The following MCPH1 variants were observed in gnomAD, a reference collection of about 807,000 sequenced individuals.
The protein encoded by MCPH1 is microcephalin.
A neutral mutation model predicts 84.5 loss-of-function variants in MCPH1; 104 were observed. That is an observed-to-expected ratio of 1.23 (90% CI 1.05 to 1.45). The LOEUF is 1.45. Among genes scored for constraint, MCPH1 ranks in the 40% most tolerant of loss-of-function variants. MCPH1 has a pLI of 0.00. For synonymous variants in MCPH1, 514 were observed against 366.8 expected, an observed-to-expected ratio of 1.40 and a Z score of -4.58; for missense variants, 1,498 against 1,005.7, an observed-to-expected ratio of 1.49 and a Z score of -6.62.
At position 6,479,144 on chromosome 8, in the gene MCPH1, A is replaced by G. The variant is rs368298673; in HGVS notation, c.1973+1513A>G. ...AGCCAGACTTGGTGGTGAATTGCCT[A>G]TAGTCCCAACTACTTGGGAGGATAA... is the stretch of plus-strand genomic sequence containing the variant. On this transcript the variant is annotated intron_variant, in intron 10 of 13. Transcript: ENST00000344683. Among the ~76,000 whole-genome samples, 126 of 152,278 alleles carry G rather than the reference A, an allele frequency of 8.3e-4. 2 individuals are homozygous for G. The South Asian group carries it at 0.025, about 30-fold the overall frequency.
In MCPH1 at chr8:6,406,708, C is replaced by A; in HGVS notation, c.22+19C>A. The A allele has an allele frequency of 6.2e-7, 1 of 1,611,810 alleles. No homozygotes were observed. The highest frequency in any genetic ancestry group is 1.3e-5 in the African/African-American group (1 of 75,030). On this transcript the variant is annotated intron_variant, in intron 1 of 13. Transcript: ENST00000344683. ...CTGAAAGGTGAGGTACTTCCTGCTG[C>A]CTGCTCCAGCAGCGGGAGTTTGAGG...
At chr8:6,506,531 G>C (rs1482491559) in intron 12 of MCPH1, among the ~76,000 whole-genome samples, 1 of 152,188 alleles carries the variant, frequency 6.6e-6, no homozygotes, top group Non-Finnish European at 1.5e-5. Context: ...TTCTCAAGGA[G>C]AGAGCTGGGT....
intron 10 of MCPH1, among the ~76,000 whole-genome samples, chr8:6,480,263 A>C (rs1809026589): frequency 6.6e-6 from 1 of 152,018 alleles, no homozygotes. Context: ...TAGCTGGAAC[A>C]ACAGGCGCGT....
At chr8:6,543,449 A>C (rs973474715) in intron 12 of MCPH1, among the ~76,000 whole-genome samples, 4 of 152,146 alleles carry the variant, frequency 2.6e-5, no homozygotes, top group Admixed American at 6.5e-5. Flanking sequence ...CTCTGCAGCA[A>C]CTTGAGACTC....
At chr8:6,483,193 A>G (rs570470781) in intron 11 of MCPH1, among the ~76,000 whole-genome samples, 26 of 152,360 alleles carry the variant, frequency 1.7e-4, no homozygotes, top group South Asian at 1.7e-3. Context: ...AATATATTAA[A>G]AGACATACAA....
At chr8:6,589,717 C>G (rs1043844221) in intron 12 of MCPH1, among the ~76,000 whole-genome samples, 2 of 152,198 alleles carry the variant, frequency 1.3e-5, no homozygotes, top group Non-Finnish European at 2.9e-5. Context: ...TTAGTGATCT[C>G]AAGTGTTTCC....
intron 12 of MCPH1, chr8:6,507,899 C>G (rs955155389): frequency 1.1e-4 from 16 of 152,064 alleles, no homozygotes; most frequent in African/African-American, 3.9e-4. Context: ...ATAACATTTT[C>G]TAAAACTTTA....
rs2922827 is a variant in MCPH1 at position 6,442,187 on chromosome 8, G to A, written c.670+31G>A. The A allele has an allele frequency of 2.9e-3, 4,070 of 1,390,922 alleles. 90 individuals carry two copies. In the African/African-American group the frequency reaches 0.048, roughly 17 times the overall value. The allele number at this position is 1,390,922 out of a possible 1,614,324, so 86.2% of individuals were successfully genotyped here. A position where few individuals can be genotyped will look rare whatever the true frequency, so the allele number is the denominator to read the frequency against. Reference sequence around the variant, plus strand: ...ATTTTTATTTTCCTTTCTGTGATATGTTTAAGTTTTGAGAATAATATGATT... The same window carrying A: ...ATTTTTATTTTCCTTTCTGTGATATATTTAAGTTTTGAGAATAATATGATT... On this transcript the variant is annotated intron_variant, in intron 7 of 13. Transcript: ENST00000344683.
intron 12 of MCPH1, among the ~76,000 whole-genome samples, chr8:6,523,590 T>G (rs956711549): frequency 1.3e-5 from 2 of 152,060 alleles, no homozygotes; most frequent in African/African-American, 4.8e-5. Flanking sequence ...GGTTTTTTGT[T>G]TTTTGTTTTG....
At chr8:6,591,644 G>A (rs766161492) in intron 12 of MCPH1, among the ~76,000 whole-genome samples, 1 of 152,136 alleles carries the variant, frequency 6.6e-6, no homozygotes, top group Non-Finnish European at 1.5e-5. Flanking sequence ...TCCAGGACAC[G>A]TGGCCCTTAG....
At chr8:6,605,589 A>G (rs1829702138) in intron 12 of MCPH1, among the ~76,000 whole-genome samples, 1 of 152,260 alleles carries the variant, frequency 6.6e-6, no homozygotes, top group African/African-American at 2.4e-5. Context: ...GCTGGACTCT[A>G]GACTCTAAGC....
Position 6,644,928 on chromosome 8 carries a change from A to G in MCPH1, c.*1879A>G, listed in dbSNP as rs1383994549. The stretch of plus-strand genomic sequence containing the variant: ...TTGTCTCTTGGTTTTAAAATAATGT[A>G]TACACCTAAATCATCCCCTTATGAT... On this transcript the variant is annotated 3_prime_UTR_variant, in exon 14 of 14. Coordinates refer to ENST00000344683, the MANE Select transcript of MCPH1 (RefSeq NM_024596.5). 1 of 152,222 alleles carries G rather than the reference A, an allele frequency of 6.6e-6. No individual in the cohort carries two copies. Among genetic ancestry groups the G allele is most frequent in the Non-Finnish European group, 1.5e-5 (1 of 68,044 alleles). The allele number at this position is 152,222 out of a possible 1,614,324, so 9.4% of individuals were successfully genotyped here.
intron 12 of MCPH1, chr8:6,520,055 C>A (rs1817022013): frequency 6.4e-7 from 1 of 1,574,314 alleles, no homozygotes; most frequent in African/African-American, 1.4e-5. Flanking sequence ...CTTGTTATTT[C>A]AAGAGCCAAT....
intron 12 of MCPH1, among the ~76,000 whole-genome samples, chr8:6,556,119 A>G (rs28635738): frequency 0.038 from 5,720 of 152,190 alleles, 178 homozygotes; most frequent in African/African-American, 0.085. Context: ...AAGGGTGTCA[A>G]CCAGTGACTT....
chr8:6,613,846 T>A (rs943707512), intron 12 of MCPH1, among the ~76,000 whole-genome samples: 1 of 152,134 alleles, frequency 6.6e-6, no homozygotes, highest in African/African-American at 2.4e-5. Context: ...GGGGCAGGGA[T>A]GCTTTTGATC....
intron 3 of MCPH1, among the ~76,000 whole-genome samples, chr8:6,420,085 T>G (rs1161134524): frequency 6.6e-6 from 1 of 151,758 alleles, no homozygotes; most frequent in Non-Finnish European, 1.5e-5. Context: ...GTATCTCGTT[T>G]GCGTTTTGTT....
chr8:6,594,026 C>T lies in MCPH1; in HGVS notation c.2215-27428C>T, dbSNP rs146181204. 1.3e-4 allele frequency among the ~76,000 whole-genome samples: 20 copies of T among 152,316 alleles called. No homozygotes were observed. The East Asian group carries it at 3.7e-3, about 28-fold the overall frequency. ...CTTCTCTCCTATAACCTCGTATAAC[C>T]TTCCTGGGTTTTCCTGGGTGCATGT... is the stretch of plus-strand genomic sequence containing the variant. On this transcript the variant is annotated intron_variant, in intron 12 of 13. Coordinates refer to ENST00000344683, the MANE Select transcript of MCPH1 (RefSeq NM_024596.5).
chr8:6,436,185 G>A, intron 5 of MCPH1, 23 bp downstream of exon 5: 1 of 1,609,172 alleles, frequency 6.2e-7, no homozygotes. Context: ...ATATAATACA[G>A]TTCTTTGCAT....
intron 2 of MCPH1, among the ~76,000 whole-genome samples, chr8:6,410,269 C>G (rs887802054): frequency 6.6e-6 from 1 of 151,908 alleles, no homozygotes; most frequent in African/African-American, 2.4e-5. Context: ...CCACCGAGCC[C>G]GGCCAGGAGT....
Sources: allele counts gnomAD v4.1 joint callset (sites outside exome capture counted in the v4.1 genomes callset), GRCh38; gene constraint gnomAD v4.1.1; transcripts MANE v1.5; gene names NCBI Gene and HGNC (gene_info 2026-07-23, HGNC 2026-07-21).